PARD3: variants seen among roughly 807,000 people sequenced by gnomAD.
PARD3 encodes the protein partitioning defective 3 homolog.
A neutral mutation model predicts 155.4 loss-of-function variants in PARD3; 75 were observed. That is an observed-to-expected ratio of 0.48 (90% CI 0.40 to 0.58). The LOEUF (loss-of-function observed/expected upper bound fraction) is 0.58, where lower values mean the gene tolerates loss of function less well. PARD3 is among the 20% of genes least tolerant of loss of function. PARD3 has a pLI of 0.00. For synonymous variants in PARD3, 576 were observed against 610.5 expected (o/e 0.94, Z 0.83); for missense variants, 1,642 against 1,721.7 (o/e 0.95, Z 0.82).
intron 2 of PARD3, among the ~76,000 whole-genome samples, chr10:34,665,911 G>GAACAGAACAGAACA (rs1428988831): frequency 2.2e-5 from 2 of 89,810 alleles, no homozygotes; most frequent in African/African-American, 4.2e-5. Context: ...AGAACAAAAA[G>GAACAGAACAGAACA]AAAAGAAAAG....
Position 34,800,061 on chromosome 10 carries a change from T to C in PARD3, c.120+14815A>G, listed in dbSNP as rs143521128. Among the ~76,000 whole-genome samples the C allele has an allele frequency of 3.3e-3, 479 of 146,536 alleles. 2 individuals carry two copies. Among genetic ancestry groups the C allele is most frequent in the African/African-American group, 0.011 (445 of 40,556 alleles). On this transcript the variant is annotated intron_variant, in intron 1 of 24. Coordinates refer to ENST00000374788, the MANE Select transcript of PARD3 (RefSeq NM_001184785.2). ...AGGAAGAATGCTTGAGCCCAGGAGG[T>C]TGAGGCTACAGTGAGCCATGATCAT...
chr10:34,725,446 C>T (rs529019366), intron 1 of PARD3, among the ~76,000 whole-genome samples: 1 of 152,054 alleles, frequency 6.6e-6, no homozygotes, highest in Non-Finnish European at 1.5e-5. Flanking sequence ...TGAGCCACCA[C>T]GCCCAGCCCA....
intron 22 of PARD3, among the ~76,000 whole-genome samples, chr10:34,241,479 G>A (rs1444239794): frequency 1.3e-5 from 2 of 151,978 alleles, no homozygotes; most frequent in Non-Finnish European, 2.9e-5. Flanking sequence ...TCACAGAAGT[G>A]AAAAAGCAAA....
intron 9 of PARD3, among the ~76,000 whole-genome samples, chr10:34,381,681 C>T (rs1443163461): frequency 6.6e-6 from 1 of 151,756 alleles, no homozygotes; most frequent in Non-Finnish European, 1.5e-5. Context: ...TCCATAATCC[C>T]AGCACTTTGG....
intron 2 of PARD3, among the ~76,000 whole-genome samples, chr10:34,687,846 C>CCTTT (rs2093976810): frequency 1.6e-5 from 1 of 63,722 alleles, no homozygotes; most frequent in Admixed American, 2.6e-4. Context: ...CACCTGAAAT[C>CCTTT]TTTTTTTTTT....
intron 2 of PARD3, among the ~76,000 whole-genome samples, chr10:34,650,234 A>G (rs2092965328): frequency 6.6e-6 from 1 of 152,256 alleles, no homozygotes; most frequent in Admixed American, 6.5e-5. Flanking sequence ...CTAGACGTTT[A>G]TACAACCACA....
chr10:34,116,187 A>G (rs1258098785), intron 24 of PARD3, among the ~76,000 whole-genome samples: 1 of 152,158 alleles, frequency 6.6e-6, no homozygotes, highest in African/African-American at 2.4e-5. Flanking sequence ...TTCTGTCCAT[A>G]GAGTTTCTTA....
intron 5 of PARD3, among the ~76,000 whole-genome samples, chr10:34,412,201 G>A (rs1486848567): frequency 2.0e-5 from 3 of 151,834 alleles, no homozygotes; most frequent in Admixed American, 6.6e-5. Context: ...GGCCTCAAGC[G>A]ATCTTCCCAC....
Position 34,714,054 on chromosome 10 carries a change from C to T in PARD3, c.121-17635G>A, listed in dbSNP as rs2094484278. Among the ~76,000 whole-genome samples the T allele has an allele frequency of 2.6e-5, 4 of 152,268 alleles. No homozygotes were observed. The South Asian group carries it at 8.3e-4, about 32-fold the overall frequency. On this transcript the variant is annotated intron_variant, in intron 1 of 24. Coordinates refer to ENST00000374788, the MANE Select transcript of PARD3 (RefSeq NM_001184785.2). Reference sequence around the variant, plus strand: ...CTCCTGTTTACTTCTCCCTAGCAAACAAGAGATGTTGACTCAGACCAAAAG... The same window carrying T: ...CTCCTGTTTACTTCTCCCTAGCAAATAAGAGATGTTGACTCAGACCAAAAG...
chr10:34,609,673 G>C (rs1564412536), intron 2 of PARD3, among the ~76,000 whole-genome samples: 1 of 152,120 alleles, frequency 6.6e-6, no homozygotes, highest in South Asian at 2.1e-4. Context: ...CTCCATAGTA[G>C]CTAGGGCTAT....
chr10:34,751,432 T>A (rs1276750541), intron 1 of PARD3, among the ~76,000 whole-genome samples: 1 of 152,178 alleles, frequency 6.6e-6, no homozygotes, highest in South Asian at 2.1e-4. Context: ...GATTTCCCGT[T>A]TATCTATTGC....
intron 21 of PARD3, among the ~76,000 whole-genome samples, chr10:34,281,324 G>GA (rs1328566144): frequency 6.6e-6 from 1 of 152,012 alleles, no homozygotes; most frequent in Non-Finnish European, 1.5e-5. Flanking sequence ...CAGCATCTCT[G>GA]AAAAAATAGG....
chr10:34,301,186 A>G (rs1403291249), intron 20 of PARD3, among the ~76,000 whole-genome samples: 3 of 152,176 alleles, frequency 2.0e-5, no homozygotes, highest in Non-Finnish European at 4.4e-5. Context: ...CAGAGATGCT[A>G]GCCACACCTG....
intron 2 of PARD3, among the ~76,000 whole-genome samples, chr10:34,601,162 T>G (rs2089742375): frequency 6.6e-6 from 1 of 151,452 alleles, no homozygotes; most frequent in Non-Finnish European, 1.5e-5. Context: ...GGCTCACCCT[T>G]GTAATCCTAA....
chr10:34,123,741 A>G (rs907835240), intron 23 of PARD3, among the ~76,000 whole-genome samples: 1 of 152,132 alleles, frequency 6.6e-6, no homozygotes, highest in African/African-American at 2.4e-5. Context: ...ACGGTGTTTT[A>G]TGAATTAAGT....
intron 2 of PARD3, among the ~76,000 whole-genome samples, chr10:34,651,011 C>CCAAAAAAAAAA (rs1404556380): frequency 2.2e-5 from 1 of 44,520 alleles, no homozygotes. Context: ...AACTCTGTCT[C>CCAAAAAAAAAA]AAAAAAAAAA....
chr10:34,624,549 T>G (rs1032791305), intron 2 of PARD3, among the ~76,000 whole-genome samples: 2 of 152,192 alleles, frequency 1.3e-5, no homozygotes, highest in African/African-American at 4.8e-5. Flanking sequence ...CTTGGTGCAC[T>G]CAGCGGCTGA....
intron 2 of PARD3, among the ~76,000 whole-genome samples, chr10:34,641,364 G>A (rs2092674107): frequency 6.6e-6 from 1 of 152,194 alleles, no homozygotes. Flanking sequence ...CCTGGAGGAG[G>A]GACTGGGGCT....
intron 2 of PARD3, among the ~76,000 whole-genome samples, chr10:34,683,673 A>G (rs2093889977): frequency 6.6e-6 from 1 of 152,040 alleles, no homozygotes; most frequent in African/African-American, 2.4e-5. Flanking sequence ...CCAGATAAGC[A>G]AAGTCTTGAG....
Sources: allele counts gnomAD v4.1 joint callset (sites outside exome capture counted in the v4.1 genomes callset), GRCh38; gene constraint gnomAD v4.1.1; transcripts MANE v1.5; gene names NCBI Gene and HGNC (gene_info 2026-07-23, HGNC 2026-07-21).